Variants in ATRNL1 observed in about 807,000 individuals in gnomAD.
ATRNL1 encodes the protein attractin-like protein 1.
A neutral mutation model predicts 182.7 loss-of-function variants in ATRNL1; 95 were observed. The ratio of observed to expected loss-of-function variants is 0.52; its 90% CI spans 0.44 to 0.62. ATRNL1 has a LOEUF of 0.62. ATRNL1 is among the 20% of genes least tolerant of loss of function. The probability of loss-of-function intolerance (pLI) is 0.00; values close to 1 mark genes in which losing one functional copy is unlikely to be tolerated. For synonymous variants in ATRNL1, 576 were observed against 568.3 expected (o/e 1.01, Z -0.19); for missense variants, 1,471 against 1,679.5 (o/e 0.88, Z 2.17).
intron 28 of ATRNL1, among the ~76,000 whole-genome samples, chr10:115,920,753 A>G (rs904063170): frequency 3.9e-5 from 6 of 152,256 alleles, no homozygotes; most frequent in Non-Finnish European, 7.3e-5. Flanking sequence ...ACCATTAATG[A>G]AAGCAGGAGC....
At chr10:115,131,720 A>G (rs1333593886) in intron 5 of ATRNL1, among the ~76,000 whole-genome samples, 1 of 152,170 alleles carries the variant, frequency 6.6e-6, no homozygotes, top group Non-Finnish European at 1.5e-5. Flanking sequence ...ACAAGGTGTT[A>G]TTTGGAACTG....
chr10:115,449,848 G>C (rs369001696), intron 21 of ATRNL1, among the ~76,000 whole-genome samples: 1 of 152,114 alleles, frequency 6.6e-6, no homozygotes, highest in Non-Finnish European at 1.5e-5. Flanking sequence ...AACAAAAAAA[G>C]AAAACTTCAG....
chr10:115,352,624 T>A (rs1554941739), intron 19 of ATRNL1, among the ~76,000 whole-genome samples: 1 of 152,146 alleles, frequency 6.6e-6, no homozygotes. Flanking sequence ...TTAATTCCAC[T>A]GTTGTTAGAA....
At chr10:115,648,096 A>G (rs1859749281) in intron 26 of ATRNL1, among the ~76,000 whole-genome samples, 1 of 152,158 alleles carries the variant, frequency 6.6e-6, no homozygotes, top group African/African-American at 2.4e-5. Context: ...GTCAAAGATC[A>G]GATGGTTGTA....
intron 26 of ATRNL1, among the ~76,000 whole-genome samples, chr10:115,563,336 CT>C (rs1555000342): frequency 9.9e-5 from 15 of 152,170 alleles, no homozygotes; most frequent in Non-Finnish European, 2.2e-4. Context: ...ATTCATCATT[CT>C]GTAAATTGTT....
chr10:115,659,088 T>C (rs1169427197), intron 26 of ATRNL1, among the ~76,000 whole-genome samples: 13 of 152,010 alleles, frequency 8.6e-5, no homozygotes, highest in Non-Finnish European at 1.9e-4. Context: ...ACATAGGGAT[T>C]ATGGGAACTA....
At chr10:115,736,240 C>T (rs973524094) in intron 27 of ATRNL1, among the ~76,000 whole-genome samples, 1 of 152,084 alleles carries the variant, frequency 6.6e-6, no homozygotes, top group African/African-American at 2.4e-5. Context: ...TTTCTTTTGG[C>T]TTATTCCGAA....
intron 26 of ATRNL1, among the ~76,000 whole-genome samples, chr10:115,567,904 A>C (rs1440569073): frequency 6.6e-6 from 1 of 151,976 alleles, no homozygotes; most frequent in Non-Finnish European, 1.5e-5. Context: ...CCTTTATAAA[A>C]CCTGTATAGT....
At chr10:115,136,882 A>C (rs1845538428) in intron 5 of ATRNL1, among the ~76,000 whole-genome samples, 1 of 152,166 alleles carries the variant, frequency 6.6e-6, no homozygotes, top group South Asian at 2.1e-4. Context: ...AATTTGTTTA[A>C]ATTTTAGTAA....
At chr10:115,400,280 A>G (rs1335988910) in intron 20 of ATRNL1, among the ~76,000 whole-genome samples, 6 of 152,116 alleles carry the variant, frequency 3.9e-5, no homozygotes, top group South Asian at 2.1e-4. Flanking sequence ...ATGTAAAACT[A>G]TATAATTTGA....
At chr10:115,476,652 A>G (rs1469389067) in intron 24 of ATRNL1, among the ~76,000 whole-genome samples, 1 of 151,308 alleles carries the variant, frequency 6.6e-6, no homozygotes, top group East Asian at 1.9e-4. Context: ...TTAAATCTGC[A>G]TGCCAAACTA....
At chr10:115,933,405 C>G (rs551739658) in intron 28 of ATRNL1, among the ~76,000 whole-genome samples, 3 of 129,542 alleles carry the variant, frequency 2.3e-5, no homozygotes, top group African/African-American at 4.6e-5. Flanking sequence ...CTAACAAGAC[C>G]AAATGCACAT....
At chr10:115,262,900 T>C (rs1851449911) in intron 10 of ATRNL1, among the ~76,000 whole-genome samples, 1 of 151,998 alleles carries the variant, frequency 6.6e-6, no homozygotes, top group African/African-American at 2.4e-5. Context: ...GGAACTGTTG[T>C]ACACTGCTAA....
intron 25 of ATRNL1, among the ~76,000 whole-genome samples, chr10:115,537,316 A>G (rs566279305): frequency 1.3e-5 from 2 of 152,296 alleles, no homozygotes; most frequent in African/African-American, 4.8e-5. Flanking sequence ...TGACTTAAAT[A>G]TTGCTTTACA....
intron 24 of ATRNL1, among the ~76,000 whole-genome samples, chr10:115,514,528 C>T (rs1850546903): frequency 6.6e-6 from 1 of 151,772 alleles, no homozygotes; most frequent in African/African-American, 2.4e-5. Context: ...TGCTTACTTG[C>T]CTGAAATTAT....
chr10:115,293,466 C>G (rs1603011), intron 15 of ATRNL1, among the ~76,000 whole-genome samples: 5 of 151,908 alleles, frequency 3.3e-5, no homozygotes, highest in Non-Finnish European at 5.9e-5. Context: ...TTCTTCCTCT[C>G]TTATTATTTA....
At chr10:115,377,964 A>C (rs1857770897) in intron 19 of ATRNL1, among the ~76,000 whole-genome samples, 1 of 152,078 alleles carries the variant, frequency 6.6e-6, no homozygotes, top group East Asian at 1.9e-4. Context: ...CTGTGGCCAC[A>C]TATATGGACT....
At chr10:115,845,327 A>AT (rs1422968724) in intron 27 of ATRNL1, among the ~76,000 whole-genome samples, 1 of 151,992 alleles carries the variant, frequency 6.6e-6, no homozygotes, top group African/African-American at 2.4e-5. Flanking sequence ...TGAAAGAGTA[A>AT]TTTTTTAAAG....
intron 22 of ATRNL1, among the ~76,000 whole-genome samples, chr10:115,465,490 T>A (rs1488484355): frequency 6.6e-6 from 1 of 151,704 alleles, no homozygotes; most frequent in Non-Finnish European, 1.5e-5. Context: ...CACTCTGTGT[T>A]CACTTATATC....
Sources: gnomAD v4.1 joint callset for allele counts (sites outside exome capture counted in the v4.1 genomes callset) on GRCh38, gnomAD v4.1.1 for gene constraint, MANE v1.5 for transcripts, NCBI Gene and HGNC (gene_info 2026-07-23, HGNC 2026-07-21) for gene names.